SAPCD2: variants seen among roughly 807,000 people sequenced by gnomAD.
The protein encoded by SAPCD2 is suppressor APC domain containing 2, also known as suppressor APC domain-containing protein 2.
In SAPCD2, 34 loss-of-function variants were observed where a neutral mutation model predicts 37.8. The ratio of observed to expected loss-of-function variants is 0.90; its 90% CI spans 0.68 to 1.20. SAPCD2 has a LOEUF of 1.20. Among genes scored for constraint, SAPCD2 ranks in the 50% most tolerant of loss-of-function variants. The probability of loss-of-function intolerance (pLI) is 0.00; values close to 1 mark genes in which losing one functional copy is unlikely to be tolerated. For synonymous variants in SAPCD2, 275 were observed against 270.3 expected (o/e 1.02, Z -0.17); for missense variants, 572 against 584.7 (o/e 0.98, Z 0.22).
At position 137,064,500 on chromosome 9, in the gene SAPCD2, G is replaced by A. The variant is rs1832512660; in HGVS notation, c.*159C>T. On this transcript the variant is annotated 3_prime_UTR_variant, in exon 6 of 6. Transcript: ENST00000409687. ...CGGGGACCAGCCGGGGGCAGGCCTG[G>A]GGAGCCCATCTGGCAAGGGCGGCAG... 2.5e-6 allele frequency: 2 copies of A among 804,904 alleles called. No homozygotes were observed. The highest frequency in any genetic ancestry group is 2.8e-5 in the Admixed American group (1 of 35,800). The allele number at this position is 804,904 out of a possible 1,614,324, so 49.9% of individuals were successfully genotyped here.
Position 137,064,756 on chromosome 9 carries a change from T to C in SAPCD2, c.1088A>G (p.Gln363Arg), listed in dbSNP as rs1479134238. Residue 363 changes from glutamine to arginine, a missense_variant, in exon 6 of 6, where the codon CAG becomes CGG. Gln to Arg is a conservative substitution (Grantham distance 43). Transcript: ENST00000409687. ...GAGCGCCGACTTCTCCTGCTCCAGC[T>C]GCGTGATGCGCTCACTCTTCTCGGT... is the stretch of plus-strand genomic sequence containing the variant. Reference protein sequence around the residue: ...EVTEKSERITQLEQEKSALIK... With the variant: ...EVTEKSERITRLEQEKSALIK... 1.3e-6 allele frequency: 2 copies of C among 1,593,890 alleles called. No homozygotes were observed. Among genetic ancestry groups the C allele is most frequent in the East Asian group, 2.3e-5 (1 of 43,874 alleles).
At chr9:137,065,255 G>C in intron 3 of SAPCD2, 70 bp from the exon 4 acceptor site, 1 of 1,163,428 alleles carries the variant, frequency 8.6e-7, no homozygotes, top group Admixed American at 2.9e-5. Context: ...GCCTTGATAG[G>C]GGTTCCCACA....
At chr9:137,065,873 C>G (rs763020894) in intron 2 of SAPCD2, among the ~76,000 whole-genome samples, 1 of 152,196 alleles carries the variant, frequency 6.6e-6, no homozygotes, top group Non-Finnish European at 1.5e-5. Context: ...GCAGGAGCCC[C>G]GTTCCTCCTG....
At chr9:137,066,138 G>A in intron 2 of SAPCD2, 124 bp downstream of exon 2, 2 of 770,860 alleles carry the variant, frequency 2.6e-6, no homozygotes, top group South Asian at 1.6e-5. Flanking sequence ...TAGGGAGAGA[G>A]ATGTCCAGAG....
Position 137,065,230 on chromosome 9 carries a change from CG to C in SAPCD2, c.832-46del, listed in dbSNP as rs559558950. ...CAAGCGGTCAGAGAGGAGGTCCAGC[CG>C]GGGCCAGCAAGGTGCCTTGATAGGG... On this transcript the variant is annotated intron_variant, in intron 3 of 5. Transcript: ENST00000409687. The C allele has an allele frequency of 2.7e-3, 3,588 of 1,353,024 alleles. 46 individuals carry two copies. The highest frequency in any genetic ancestry group is 1.9e-3 in the Non-Finnish European group (1,953 of 1,022,978). The allele number at this position is 1,353,024 out of a possible 1,614,324, so 83.8% of individuals were successfully genotyped here.
chr9:137,065,810 G>C, intron 2 of SAPCD2, 142 bp from the exon 3 acceptor site: 1 of 1,027,354 alleles, frequency 9.7e-7, no homozygotes, highest in Non-Finnish European at 1.4e-6. Context: ...AACACCCACG[G>C]ACGCACGCTT....
intron 1 of SAPCD2, among the ~76,000 whole-genome samples, chr9:137,068,990 T>C (rs1272097822): frequency 6.6e-6 from 1 of 151,800 alleles, no homozygotes; most frequent in African/African-American, 2.4e-5. Flanking sequence ...ATGGCTGAGG[T>C]GGGGGAGCAG....
At chr9:137,069,130 G>GC (rs1451418383) in intron 1 of SAPCD2, among the ~76,000 whole-genome samples, 1 of 152,234 alleles carries the variant, frequency 6.6e-6, no homozygotes, top group Non-Finnish European at 1.5e-5. Context: ...TGGGAGCTTG[G>GC]CCCCCCAACC....
rs2131532216 is a variant in SAPCD2, at chr9:137,069,876, C to G, written c.571+14G>C. 7.9e-7 allele frequency: 1 copy of G among 1,257,954 alleles called. No homozygotes were observed. Among genetic ancestry groups the G allele is most frequent in the East Asian group, 3.2e-5 (1 of 31,440 alleles). 77.9% of individuals were successfully genotyped at this position (1,257,954 alleles called of 1,614,324 possible). A position where few individuals can be genotyped will look rare whatever the true frequency, so the allele number is the denominator to read the frequency against. ...GAGAGCTACGAGGGTGCCCGGGGGC[C>G]GTCCGGAACTCACCTGCGTCCGCGC... On this transcript the variant is annotated intron_variant, in intron 1 of 5. Transcript: ENST00000409687.
chr9:137,067,280 T>C (rs1015337816), intron 1 of SAPCD2, among the ~76,000 whole-genome samples: 1 of 150,260 alleles, frequency 6.7e-6, no homozygotes, highest in African/African-American at 2.4e-5. Context: ...TGAGCCACTG[T>C]GCCCGGCCGG....
At chr9:137,069,091 C>T (rs1033167890) in intron 1 of SAPCD2, among the ~76,000 whole-genome samples, 2 of 152,232 alleles carry the variant, frequency 1.3e-5, no homozygotes, top group African/African-American at 4.8e-5. Context: ...GTGCACAGGC[C>T]GAATGGGCTG....
In SAPCD2 at chr9:137,070,238, C is replaced by T; in HGVS notation, c.223G>A (p.Val75Met). ...PRGVLEGLRQ[V>M]APASGYLTFE... ...GTCAGGTAGCCGCTGGCCGGGGCCA[C>T]CTGGCGCAAGCCCTCCAGCACCCCG... Residue 75 changes from valine to methionine, a missense_variant, in exon 1 of 6, where the codon GTG becomes ATG. Physicochemically the swap from Val to Met is conservative, Grantham distance 21 (BLOSUM62 1). Coordinates refer to ENST00000409687, the MANE Select transcript of SAPCD2 (RefSeq NM_178448.4). The T allele has an allele frequency of 7.1e-7, 1 of 1,417,230 alleles. No homozygotes were observed. Among genetic ancestry groups the T allele is most frequent in the East Asian group, 3.1e-5 (1 of 32,494 alleles). The allele number at this position is 1,417,230 out of a possible 1,614,324, so 87.8% of individuals were successfully genotyped here.
chr9:137,064,791 G>C lies in SAPCD2; in HGVS notation c.1057-4C>G. 1 of 1,593,306 alleles carries C rather than the reference G, an allele frequency of 6.3e-7. No individual in the cohort carries two copies. Among genetic ancestry groups the C allele is most frequent in the Non-Finnish European group, 8.5e-7 (1 of 1,170,572 alleles). The stretch of plus-strand genomic sequence containing the variant: ...GCTCACTCTTCTCGGTCACCTCCTG[G>C]GCAGGTGCACAGTTGGTCAAGGCCT... On this transcript the variant is annotated splice_polypyrimidine_tract_variant and splice_region_variant and intron_variant, in intron 5 of 5. Coordinates refer to ENST00000409687, the MANE Select transcript of SAPCD2 (RefSeq NM_178448.4).
In SAPCD2 at chr9:137,062,933, AC is replaced by A. The variant is rs1482099695; in HGVS notation, c.*1725del. 6.6e-6 allele frequency: 1 copy of A among 152,094 alleles called. No individual in the cohort carries two copies. The highest frequency in any genetic ancestry group is 1.5e-5 in the Non-Finnish European group (1 of 68,012). The allele number at this position is 152,094 out of a possible 1,614,324, so 9.4% of individuals were successfully genotyped here. Reference sequence around the variant, plus strand: ...ATGTGGGCGGTCTCCTGATGAAGTCACCCCGGGACAGACACTGTTCTGTCTC... The same window carrying A: ...ATGTGGGCGGTCTCCTGATGAAGTCACCCGGGACAGACACTGTTCTGTCTC... On this transcript the variant is annotated 3_prime_UTR_variant, in exon 6 of 6. Transcript: ENST00000409687.
intron 2 of SAPCD2, 107 bp downstream of exon 2, chr9:137,066,153 CTG>C (rs1832542832): frequency 1.2e-6 from 1 of 854,302 alleles, no homozygotes. Flanking sequence ...CCAGAGCTGA[CTG>C]TACTTCCGCC....
At position 137,064,476 on chromosome 9, in the gene SAPCD2, G is replaced by T. The variant is rs756548111; in HGVS notation, c.*183C>A. 5.9e-6 allele frequency: 4 copies of T among 678,894 alleles called. No individual in the cohort carries two copies. The highest frequency in any genetic ancestry group is 5.4e-5 in the African/African-American group (3 of 55,096). The allele number at this position is 678,894 out of a possible 1,614,324, so 42.1% of individuals were successfully genotyped here. A position where few individuals can be genotyped will look rare whatever the true frequency, so the allele number is the denominator to read the frequency against. ...CAAAACGGAGTCAAGCGCTCGGTGC[G>T]GGGACCAGCCGGGGGCAGGCCTGGG... On this transcript the variant is annotated 3_prime_UTR_variant, in exon 6 of 6. Coordinates refer to ENST00000409687, the MANE Select transcript of SAPCD2 (RefSeq NM_178448.4).
chr9:137,062,926 T>C lies in SAPCD2; in HGVS notation c.*1733A>G, dbSNP rs1371938379. The C allele has an allele frequency of 1.3e-5, 2 of 152,236 alleles. No homozygotes were observed. The allele number at this position is 152,236 out of a possible 1,614,324, so 9.4% of individuals were successfully genotyped here. A position where few individuals can be genotyped will look rare whatever the true frequency, so the allele number is the denominator to read the frequency against. On this transcript the variant is annotated 3_prime_UTR_variant, in exon 6 of 6. Transcript: ENST00000409687. ...CAGCTCTATGTGGGCGGTCTCCTGA[T>C]GAAGTCACCCCGGGACAGACACTGT...
At chr9:137,066,556 A>G (rs879486487) in intron 1 of SAPCD2, among the ~76,000 whole-genome samples, 182 bp from the exon 2 acceptor site, 1 of 151,918 alleles carries the variant, frequency 6.6e-6, no homozygotes, top group Non-Finnish European at 1.5e-5. Context: ...AGCTCCTCAC[A>G]CTGGCTTGGG....
chr9:137,069,434 C>T (rs1380039183), intron 1 of SAPCD2, among the ~76,000 whole-genome samples: 2 of 152,234 alleles, frequency 1.3e-5, no homozygotes, highest in Non-Finnish European at 2.9e-5. Context: ...GTGGGCCCAG[C>T]CCCCCTGGCT....
Sources: gnomAD v4.1 joint callset for allele counts (sites outside exome capture counted in the v4.1 genomes callset) on GRCh38, gnomAD v4.1.1 for gene constraint, MANE v1.5 for transcripts, NCBI Gene and HGNC (gene_info 2026-07-23, HGNC 2026-07-21) for gene names.